The following PCDH15 variants were observed in gnomAD, a reference collection of about 807,000 sequenced individuals.
PCDH15 encodes protocadherin-15.
Under a neutral mutation model 178.5 loss-of-function variants are expected in PCDH15, and 129 were observed. That is an observed-to-expected ratio of 0.72 (90% confidence interval 0.63 to 0.84). The LOEUF (loss-of-function observed/expected upper bound fraction) is 0.84, where lower values mean the gene tolerates loss of function less well. PCDH15 is among the 40% of genes least tolerant of loss of function. The probability of loss-of-function intolerance (pLI) is 0.00; values close to 1 mark genes in which losing one functional copy is unlikely to be tolerated. For missense variants in PCDH15, 2,230 were observed against 2,099.9 expected (o/e 1.06, Z -1.21); for synonymous variants, 800 against 732.0 (o/e 1.09, Z -1.50).
At chr10:54,300,485 G>A (rs952910726) in intron 8 of PCDH15, among the ~76,000 whole-genome samples, 1 of 152,138 alleles carries the variant, frequency 6.6e-6, no homozygotes, top group African/African-American at 2.4e-5. Flanking sequence ...CCCTTTCACT[G>A]GCCGAAAGAG....
At chr10:55,153,048 G>A (rs1838781015) in intron 2 of PCDH15, among the ~76,000 whole-genome samples, 1 of 151,718 alleles carries the variant, frequency 6.6e-6, no homozygotes, top group Non-Finnish European at 1.5e-5. Context: ...ACAAAATATG[G>A]TTAAATCCAA....
chr10:54,261,149 T>G (rs1279260359), intron 8 of PCDH15, among the ~76,000 whole-genome samples: 1 of 152,162 alleles, frequency 6.6e-6, no homozygotes, highest in East Asian at 1.9e-4. Flanking sequence ...GACATAAAAA[T>G]GAAGTTTTAG....
chr10:54,044,242 C>T (rs1565107724), intron 18 of PCDH15, among the ~76,000 whole-genome samples: 1 of 151,950 alleles, frequency 6.6e-6, no homozygotes, highest in Non-Finnish European at 1.5e-5. Flanking sequence ...TGGATTATTC[C>T]CCAAAGGTTG....
At chr10:54,822,421 C>T (rs537750331) in intron 3 of PCDH15, among the ~76,000 whole-genome samples, 2 of 152,234 alleles carry the variant, frequency 1.3e-5, no homozygotes, top group Non-Finnish European at 2.9e-5. Context: ...TTTCACTTAG[C>T]ATAATGTTTT....
chr10:54,453,162 C>A (rs1373778325), intron 3 of PCDH15, among the ~76,000 whole-genome samples: 1 of 152,026 alleles, frequency 6.6e-6, no homozygotes, highest in African/African-American at 2.4e-5. Flanking sequence ...TGGGTATATA[C>A]CCAAAGGATT....
intron 2 of PCDH15, among the ~76,000 whole-genome samples, chr10:55,622,853 A>G (rs1157622652): frequency 6.6e-6 from 1 of 152,130 alleles, no homozygotes; most frequent in East Asian, 1.9e-4. Flanking sequence ...GGACCGAGGC[A>G]TTATGATTTC....
At chr10:55,006,364 A>G (rs183979239) in intron 2 of PCDH15, among the ~76,000 whole-genome samples, 10 of 152,254 alleles carry the variant, frequency 6.6e-5, no homozygotes, top group Non-Finnish European at 1.2e-4. Context: ...AGCCATCCAA[A>G]TCAACCACCA....
chr10:54,300,422 C>T (rs1564905771), intron 8 of PCDH15, among the ~76,000 whole-genome samples: 1 of 152,180 alleles, frequency 6.6e-6, no homozygotes, highest in East Asian at 1.9e-4. Context: ...AATGGAACCC[C>T]AAATGAACTC....
chr10:54,764,402 G>A (rs2133184892), intron 1 of PCDH15, among the ~76,000 whole-genome samples: 1 of 152,146 alleles, frequency 6.6e-6, no homozygotes, highest in Middle Eastern at 3.4e-3. Flanking sequence ...ATGCAAAGGT[G>A]TGCCAGATTC....
chr10:55,516,172 G>C (rs1841008191), intron 2 of PCDH15, among the ~76,000 whole-genome samples: 1 of 151,980 alleles, frequency 6.6e-6, no homozygotes, highest in Admixed American at 6.6e-5. Context: ...GACCCGGTGG[G>C]AGATAATTGA....
intron 3 of PCDH15, among the ~76,000 whole-genome samples, chr10:54,494,163 C>T (rs1026631369): frequency 6.6e-6 from 1 of 151,598 alleles, no homozygotes; most frequent in Non-Finnish European, 1.5e-5. Flanking sequence ...GTGCAGCACA[C>T]CAGCATGGCA....
At chr10:53,912,134 G>A (rs2083144946) in intron 25 of PCDH15, among the ~76,000 whole-genome samples, 1 of 152,120 alleles carries the variant, frequency 6.6e-6, no homozygotes, top group South Asian at 2.1e-4. Context: ...ATCCAAGGCT[G>A]GTTCAACATA....
At chr10:54,203,909 T>C (rs896796740) in intron 10 of PCDH15, among the ~76,000 whole-genome samples, 6 of 152,170 alleles carry the variant, frequency 3.9e-5, no homozygotes, top group Admixed American at 3.3e-4. Context: ...ACAAAGAAGA[T>C]TGTTTGCTTT....
chr10:55,157,654 A>G (rs1380950947), intron 2 of PCDH15, among the ~76,000 whole-genome samples: 1 of 151,938 alleles, frequency 6.6e-6, no homozygotes. Context: ...TGTCCTTTGT[A>G]GGGACATGGA....
intron 18 of PCDH15, among the ~76,000 whole-genome samples, chr10:54,043,410 C>T (rs905057682): frequency 6.0e-5 from 9 of 151,136 alleles, no homozygotes; most frequent in South Asian, 2.1e-4. Context: ...TCTTTTTTTT[C>T]GAGACAGGGT....
chr10:53,959,740 C>A lies in PCDH15; in HGVS notation c.3114G>T (p.Glu1038Asp), dbSNP rs1404892223. Residue 1038 changes from glutamate (E) to aspartate (D), a missense_variant, in exon 23 of 38, where the codon GAG becomes GAT. Coordinates refer to ENST00000644397, the MANE Select transcript of PCDH15 (RefSeq NM_001384140.1). The part of the protein sequence containing the change: ...HPGEIPRFTQ[E>D]EYRPPPVSEL... ...CGGACAGAAATCAATACCTATATTC[C>A]TCCTGTGTGAAGCGTGGGATCTCAC... 6.2e-7 allele frequency: 1 copy of A among 1,610,304 alleles called. No homozygotes were observed. Among genetic ancestry groups the A allele is most frequent in the Non-Finnish European group, 8.5e-7 (1 of 1,176,674 alleles).
chr10:54,416,941 A>G (rs140873717), intron 3 of PCDH15, among the ~76,000 whole-genome samples: 2,899 of 152,222 alleles, frequency 0.019, 98 homozygotes, highest in African/African-American at 0.066. Flanking sequence ...GTGTCTGTTC[A>G]TATCCTTTGC....
chr10:55,000,144 T>C (rs945788983), intron 2 of PCDH15, among the ~76,000 whole-genome samples: 3 of 152,146 alleles, frequency 2.0e-5, no homozygotes, highest in Non-Finnish European at 4.4e-5. Context: ...TAAAAATTTA[T>C]TAGGCAGGAA....
At chr10:55,333,324 C>T (rs1383057887) in intron 2 of PCDH15, among the ~76,000 whole-genome samples, 1 of 152,012 alleles carries the variant, frequency 6.6e-6, no homozygotes, top group South Asian at 2.1e-4. Context: ...GAGGGTGAGA[C>T]TGGCAAAACT....
Sources: gnomAD v4.1 joint callset for allele counts (sites outside exome capture counted in the v4.1 genomes callset) on GRCh38, gnomAD v4.1.1 for gene constraint, MANE v1.5 for transcripts, NCBI Gene and HGNC (gene_info 2026-07-23, HGNC 2026-07-21) for gene names.